Variants in CDH23 observed in about 807,000 individuals in gnomAD.
CDH23 encodes the protein cadherin related 23.
CDH23 carries 189 observed loss-of-function variants against 317.1 expected under a neutral mutation model. That is an observed-to-expected ratio of 0.60 (90% CI 0.53 to 0.67). CDH23 has a LOEUF of 0.67. CDH23 is among the 30% of genes least tolerant of loss of function. The pLI is 0.00. For synonymous variants in CDH23, 1,839 were observed against 1,876.8 expected (o/e 0.98, Z 0.52); for missense variants, 4,401 against 4,592.4 (o/e 0.96, Z 1.20).
At chr10:71,447,757 C>G (rs947354533) in intron 3 of CDH23, among the ~76,000 whole-genome samples, 1 of 152,138 alleles carries the variant, frequency 6.6e-6, no homozygotes, top group Non-Finnish European at 1.5e-5. Context: ...GGGGACCCTG[C>G]TAAGCTGTTT....
intron 1 of CDH23, among the ~76,000 whole-genome samples, chr10:71,415,852 A>G (rs935628399): frequency 9.2e-5 from 14 of 152,334 alleles, no homozygotes; most frequent in African/African-American, 2.9e-4. Context: ...ATGATCAAAG[A>G]ATATACTTTT....
rs538497367 is a variant in CDH23, at chr10:71,664,868, C to G, written c.1450-10244C>G. On this transcript the variant is annotated intron_variant, in intron 14 of 69. Coordinates refer to ENST00000224721, the MANE Select transcript of CDH23 (RefSeq NM_022124.6). ...CTTCTCCTCCTCCCTTGATCACTTC[C>G]TTTCTCTCCTTCTCCCTCTCCCCTC... Among the ~76,000 whole-genome samples, 3 of 151,502 alleles carry G rather than the reference C, an allele frequency of 2.0e-5. No homozygotes were observed. The East Asian group carries it at 5.9e-4, about 30-fold the overall frequency.
At chr10:71,809,720 C>T (rs1841855685) in intron 60 of CDH23, 100 bp from the exon 61 acceptor site, 12 of 1,503,300 alleles carry the variant, frequency 8.0e-6, no homozygotes, top group Non-Finnish European at 1.1e-5. Flanking sequence ...TTTGTGCCGC[C>T]TCCCCTAGAT....
At chr10:71,676,979 G>A (rs745842947) in intron 15 of CDH23, among the ~76,000 whole-genome samples, 2 of 152,154 alleles carry the variant, frequency 1.3e-5, no homozygotes, top group Non-Finnish European at 2.9e-5. Context: ...TGCTACCTGG[G>A]AGATGTCTAC....
rs1299733004 is a variant in CDH23, at chr10:71,687,726, G to A, written c.2059+7G>A. On this transcript the variant is annotated splice_region_variant and intron_variant, in intron 19 of 69. Coordinates refer to ENST00000224721, the MANE Select transcript of CDH23 (RefSeq NM_022124.6). ...GTGGAGAACATCATGGCAGGTACAG[G>A]CTCAGGTCGGGGGGTGGGGGGCACA... is the stretch of plus-strand genomic sequence containing the variant. 2.5e-6 allele frequency: 4 copies of A among 1,613,198 alleles called. No individual in the cohort carries two copies. The highest frequency in any genetic ancestry group is 2.5e-6 in the Non-Finnish European group (3 of 1,179,684).
chr10:71,514,560 C>T (rs1470270823), intron 6 of CDH23, among the ~76,000 whole-genome samples: 1 of 152,210 alleles, frequency 6.6e-6, no homozygotes, highest in East Asian at 1.9e-4. Flanking sequence ...CTCTGAAAGC[C>T]TCTGCCGGGT....
intron 17 of CDH23, 150 bp from the exon 18 acceptor site, chr10:71,682,295 C>A (rs972440942): frequency 1.0e-6 from 1 of 982,202 alleles, no homozygotes; most frequent in Admixed American, 2.3e-5. Context: ...AAACCTCAGT[C>A]GAGATGTTGA....
intron 38 of CDH23, chr10:71,755,503 T>C: frequency 6.4e-7 from 1 of 1,555,884 alleles, no homozygotes; most frequent in Non-Finnish European, 8.8e-7. Context: ...TGAAGCCCCA[T>C]TCCCATTGCT....
rs769988673 is a variant in CDH23, at chr10:71,734,653, C to T, written c.4207-3C>T. On this transcript the variant is annotated splice_region_variant and splice_polypyrimidine_tract_variant and intron_variant, in intron 33 of 69. Transcript: ENST00000224721. ...CCCCTCCTGCTGCTGCCTCTGCCTACAGAAGGTGAGTAGCCTGTGGCTGGA... is the reference window on the plus strand; with the variant it reads ...CCCCTCCTGCTGCTGCCTCTGCCTATAGAAGGTGAGTAGCCTGTGGCTGGA... The T allele has an allele frequency of 2.7e-6, 4 of 1,470,034 alleles. No homozygotes were observed. The highest frequency in any genetic ancestry group is 6.2e-5 in the East Asian group (2 of 32,172). The allele number at this position is 1,470,034 out of a possible 1,614,324, so 91.1% of individuals were successfully genotyped here.
rs144240899 is a variant in CDH23, at chr10:71,535,189, G to A, written c.429+23977G>A. Among the ~76,000 whole-genome samples the A allele has an allele frequency of 6.7e-3, 1,021 of 152,358 alleles. 8 individuals are homozygous for A. The highest frequency in any genetic ancestry group is 0.023 in the African/African-American group (943 of 41,574). ...AGTAGGACTGAAGGAAGGGCAGACT[G>A]GTTGGGAGCGGGTGGATGGTGCTTG... On this transcript the variant is annotated intron_variant, in intron 6 of 69. Transcript: ENST00000224721.
intron 38 of CDH23, chr10:71,760,782 G>C: frequency 7.6e-7 from 1 of 1,318,736 alleles, no homozygotes; most frequent in Non-Finnish European, 1.1e-6. Flanking sequence ...GGGGTGATGA[G>C]GCCAGAGTTC....
Position 71,791,353 on chromosome 10 carries a change from C to A in CDH23, c.6253+18C>A. 6.2e-7 allele frequency: 1 copy of A among 1,606,836 alleles called. No individual in the cohort carries two copies. Among genetic ancestry groups the A allele is most frequent in the South Asian group, 1.1e-5 (1 of 90,086 alleles). On this transcript the variant is annotated intron_variant, in intron 47 of 69. Coordinates refer to ENST00000224721, the MANE Select transcript of CDH23 (RefSeq NM_022124.6). ...CCCGCCTGGTAAGCAGGGGACAGGC[C>A]CCAGCACCCCACAACCAGGGGCCGG...
At chr10:71,713,466 G>C in intron 28 of CDH23, 3 of 585,996 alleles carry the variant, frequency 5.1e-6, no homozygotes, top group Non-Finnish European at 9.1e-6. Flanking sequence ...CCTGCCCACT[G>C]GGGCAGGCTC....
At chr10:71,401,695 C>T (rs575986932) in intron 1 of CDH23, among the ~76,000 whole-genome samples, 39 of 152,216 alleles carry the variant, frequency 2.6e-4, no homozygotes, top group African/African-American at 9.1e-4. Context: ...AACTGAAAAG[C>T]ATAGGCCCCA....
At chr10:71,764,471 C>T (rs1040171097) in intron 38 of CDH23, among the ~76,000 whole-genome samples, 16 of 152,164 alleles carry the variant, frequency 1.1e-4, no homozygotes, top group South Asian at 2.1e-4. Flanking sequence ...TTCATTGGAT[C>T]CTCAAAATCT....
intron 1 of CDH23, among the ~76,000 whole-genome samples, chr10:71,412,985 A>G (rs1302272253): frequency 6.6e-6 from 1 of 152,178 alleles, no homozygotes; most frequent in Non-Finnish European, 1.5e-5. Flanking sequence ...TTTAATTTTG[A>G]TGAAGTACAA....
At chr10:71,733,624 A>G (rs1252303705) in intron 32 of CDH23, among the ~76,000 whole-genome samples, 1 of 152,238 alleles carries the variant, frequency 6.6e-6, no homozygotes, top group Non-Finnish European at 1.5e-5. Context: ...ACAATGTCAC[A>G]GAAAGCTCTG....
In CDH23 at chr10:71,806,611, G is replaced by A. The variant is rs544603635; in HGVS notation, c.8178+330G>A. ...TTTTTTTTTTTTGAGACAGAGTCTC[G>A]CTCCGTTGCCGAGGCTGGAGTGCAG... On this transcript the variant is annotated intron_variant, in intron 57 of 69. Coordinates refer to ENST00000224721, the MANE Select transcript of CDH23 (RefSeq NM_022124.6). 2.9e-4 allele frequency among the ~76,000 whole-genome samples: 41 copies of A among 142,874 alleles called. 1 individual carries two copies. The highest frequency in any genetic ancestry group is 5.4e-4 in the Non-Finnish European group (36 of 66,844). 93.7% of individuals were successfully genotyped at this position (142,874 alleles called of 152,430 possible).
chr10:71,724,131 G>C, intron 29 of CDH23, 26 bp downstream of exon 29: 1 of 1,552,514 alleles, frequency 6.4e-7, no homozygotes, highest in African/African-American at 1.4e-5. Context: ...CTAGGATGGG[G>C]GGCGGTCCTC....
Sources: allele counts gnomAD v4.1 joint callset (sites outside exome capture counted in the v4.1 genomes callset), GRCh38; gene constraint gnomAD v4.1.1; transcripts MANE v1.5; gene names NCBI Gene and HGNC (gene_info 2026-07-23, HGNC 2026-07-21).